Variants in ARL15 observed in about 807,000 individuals in gnomAD.
ARL15 encodes ADP-ribosylation factor-like protein 15.
Under a neutral mutation model 25.2 loss-of-function variants are expected in ARL15, and 19 were observed. The ratio of observed to expected loss-of-function variants is 0.75; its 90% CI spans 0.53 to 1.10. The LOEUF is 1.10. Ranked by LOEUF, ARL15 falls within the 50% of genes least tolerant of loss-of-function variation. The pLI is 0.00. For missense variants in ARL15, 220 were observed against 246.0 expected, an observed-to-expected ratio of 0.89 and a Z score of 0.71; for synonymous variants, 94 against 86.8, an observed-to-expected ratio of 1.08 and a Z score of -0.46.
Position 53,886,621 on chromosome 5 carries a change from G to C in ARL15, c.555C>G (p.Asp185Glu). 1 of 1,568,040 alleles carries C rather than the reference G, an allele frequency of 6.4e-7. No individual in the cohort carries two copies. The highest frequency in any genetic ancestry group is 8.7e-7 in the Non-Finnish European group (1 of 1,154,758). ...CSLDDMDALK[D>E]SFSQLINLLE... ...ACAAATTAATCAGCTGAGAGAAGCT[G>C]TCTTTCAGTGCATCCATGTCATCCA... Residue 185 changes from aspartate (D) to glutamate (E), a missense_variant, in exon 5 of 5, where the codon GAC (aspartate) becomes GAG (glutamate). By Grantham distance (45) the Asp-to-Glu change is conservative. Transcript: ENST00000504924.
intron 3 of ARL15, among the ~76,000 whole-genome samples, chr5:54,125,633 G>A (rs938120385): frequency 6.6e-6 from 1 of 152,078 alleles, no homozygotes; most frequent in Non-Finnish European, 1.5e-5. Flanking sequence ...CATGAATATT[G>A]GTGCACAAGT....
chr5:53,917,698 C>T (rs1018336975), intron 4 of ARL15, among the ~76,000 whole-genome samples: 3 of 152,158 alleles, frequency 2.0e-5, no homozygotes, highest in Non-Finnish European at 4.4e-5. Context: ...TTGAGAAGAG[C>T]AGTTAAGATT....
At chr5:53,886,847 T>C (rs988409000) in intron 4 of ARL15, 134 bp from the exon 5 acceptor site, 7 of 768,784 alleles carry the variant, frequency 9.1e-6, no homozygotes, top group Non-Finnish European at 1.4e-5. Flanking sequence ...AACTTTGCAA[T>C]GTGGATGCCT....
chr5:53,905,308 C>T (rs1580066129), intron 4 of ARL15, among the ~76,000 whole-genome samples: 1 of 152,130 alleles, frequency 6.6e-6, no homozygotes, highest in African/African-American at 2.4e-5. Flanking sequence ...AATACTCAAA[C>T]CCACGCTCAT....
chr5:54,021,561 A>G (rs1749601120), intron 4 of ARL15, among the ~76,000 whole-genome samples: 1 of 152,178 alleles, frequency 6.6e-6, no homozygotes, highest in African/African-American at 2.4e-5. Flanking sequence ...TAACAGAACA[A>G]CAGAAATTAC....
chr5:54,005,105 G>A (rs997987173), intron 4 of ARL15, among the ~76,000 whole-genome samples: 16 of 152,068 alleles, frequency 1.1e-4, no homozygotes, highest in Non-Finnish European at 1.5e-5. Flanking sequence ...TCCCGTTTCA[G>A]CCTCCCAAAG....
chr5:54,250,225 G>A (rs545153671), intron 1 of ARL15, among the ~76,000 whole-genome samples: 23 of 152,016 alleles, frequency 1.5e-4, no homozygotes, highest in Non-Finnish European at 2.9e-4. Context: ...ACTATCATGA[G>A]GACAGCACCA....
intron 1 of ARL15, among the ~76,000 whole-genome samples, chr5:54,258,091 G>A (rs551253878): frequency 5.3e-5 from 8 of 151,694 alleles, no homozygotes; most frequent in Non-Finnish European, 1.0e-4. Flanking sequence ...CACTGAGGGA[G>A]GCCGAGAGGC....
chr5:54,122,615 C>A (rs1453721294), intron 3 of ARL15, among the ~76,000 whole-genome samples: 2 of 152,132 alleles, frequency 1.3e-5, no homozygotes, highest in Admixed American at 1.3e-4. Flanking sequence ...TGCATGGTTG[C>A]ACAAATAAGA....
At chr5:53,910,225 C>G (rs1745405931) in intron 4 of ARL15, among the ~76,000 whole-genome samples, 1 of 152,132 alleles carries the variant, frequency 6.6e-6, no homozygotes, top group Non-Finnish European at 1.5e-5. Flanking sequence ...ACTCCCTGCT[C>G]TTTATCAGAT....
intron 4 of ARL15, among the ~76,000 whole-genome samples, chr5:54,068,066 A>C (rs1485903157): frequency 6.6e-6 from 1 of 152,212 alleles, no homozygotes; most frequent in Non-Finnish European, 1.5e-5. Context: ...ATCTTCAATA[A>C]AGAGCTGGAG....
intron 1 of ARL15, among the ~76,000 whole-genome samples, chr5:54,234,936 T>C (rs888556021): frequency 1.3e-5 from 2 of 152,372 alleles, no homozygotes; most frequent in East Asian, 1.9e-4. Context: ...AGTTTGAATG[T>C]AGTTCATAAC....
At chr5:54,279,862 G>A (rs1479809652) in intron 1 of ARL15, among the ~76,000 whole-genome samples, 2 of 152,184 alleles carry the variant, frequency 1.3e-5, no homozygotes, top group East Asian at 3.9e-4. Context: ...GCTTACTGCA[G>A]CAGCCATGGA....
chr5:54,196,374 C>T (rs1203215221), intron 1 of ARL15, among the ~76,000 whole-genome samples: 1 of 151,592 alleles, frequency 6.6e-6, no homozygotes, highest in Non-Finnish European at 1.5e-5. Context: ...GATTCCCACT[C>T]CAACACTTAC....
At chr5:53,995,303 C>CAAA (rs34234639) in intron 4 of ARL15, among the ~76,000 whole-genome samples, 221 of 44,228 alleles carry the variant, frequency 5.0e-3, no homozygotes, top group Non-Finnish European at 5.2e-3. Context: ...GACTCCGTCA[C>CAAA]AAAAAAAAAA....
rs111717375 is a variant in ARL15, at chr5:53,939,912, A to C, written c.463-53199T>G. On this transcript the variant is annotated intron_variant, in intron 4 of 4. Coordinates refer to ENST00000504924, the MANE Select transcript of ARL15 (RefSeq NM_019087.3). ...TTGTAACTTAGGTGTTATCCAGAAA[A>C]AACAACAACAACAACAACAACAACA... Among the ~76,000 whole-genome samples the C allele has an allele frequency of 1.0e-2, 1,499 of 150,588 alleles. 26 individuals are homozygous for C. Among genetic ancestry groups the C allele is most frequent in the African/African-American group, 0.034 (1,400 of 40,770 alleles).
At chr5:54,127,331 A>G (rs919507600) in intron 3 of ARL15, among the ~76,000 whole-genome samples, 6 of 152,228 alleles carry the variant, frequency 3.9e-5, no homozygotes, top group African/African-American at 1.4e-4. Context: ...CTCAGGATAC[A>G]AAACCAATAC....
chr5:53,915,445 A>G (rs983010772), intron 4 of ARL15, among the ~76,000 whole-genome samples: 1 of 152,232 alleles, frequency 6.6e-6, no homozygotes, highest in Admixed American at 6.5e-5. Context: ...TGTGAGATTT[A>G]CCTGTCTTGA....
At chr5:54,033,166 C>T (rs201329418) in intron 4 of ARL15, among the ~76,000 whole-genome samples, 39 of 149,354 alleles carry the variant, frequency 2.6e-4, no homozygotes, top group East Asian at 2.0e-4. Context: ...ACAAAAAATT[C>T]GCTGGGCGTG....
Sources: gnomAD v4.1 joint callset for allele counts (sites outside exome capture counted in the v4.1 genomes callset) on GRCh38, gnomAD v4.1.1 for gene constraint, MANE v1.5 for transcripts, NCBI Gene and HGNC (gene_info 2026-07-23, HGNC 2026-07-21) for gene names.